Variants in TMED8 observed in about 807,000 individuals in gnomAD.
The protein encoded by TMED8 is transmembrane p24 trafficking protein family member 8.
TMED8 carries 15 observed loss-of-function variants against 32.7 expected under a neutral mutation model. That is an observed-to-expected ratio of 0.46 (90% CI 0.31 to 0.71). The LOEUF (loss-of-function observed/expected upper bound fraction) is 0.71. Among genes scored for constraint, TMED8 ranks in the 30% least tolerant of loss-of-function variants. The pLI, the probability that TMED8 is intolerant of heterozygous loss-of-function variation, is 0.06. For missense variants in TMED8, 390 were observed against 423.9 expected, an observed-to-expected ratio of 0.92 and a Z score of 0.70; for synonymous variants, 147 against 161.4, an observed-to-expected ratio of 0.91 and a Z score of 0.68.
intron 1 of TMED8, among the ~76,000 whole-genome samples, chr14:77,357,830 A>G (rs1231677319): frequency 6.6e-6 from 1 of 152,056 alleles, no homozygotes; most frequent in Non-Finnish European, 1.5e-5. Flanking sequence ...TTCATTAGAA[A>G]TTGTCTTTAA....
rs764454563 is a variant in TMED8, at chr14:77,339,519, C to A, written c.*2252G>T. On this transcript the variant is annotated 3_prime_UTR_variant, in exon 6 of 6. Coordinates refer to ENST00000216468, the MANE Select transcript of TMED8 (RefSeq NM_213601.3). ...GAGAAAGGCAGAAGTTAATAATAAACAGGAAAAATAAGCAAGGCTTTAGCT... is the reference window on the plus strand; with the variant it reads ...GAGAAAGGCAGAAGTTAATAATAAAAAGGAAAAATAAGCAAGGCTTTAGCT... 5.3e-5 allele frequency: 8 copies of A among 152,128 alleles called. No homozygotes were observed. The highest frequency in any genetic ancestry group is 7.4e-5 in the Non-Finnish European group (5 of 68,008). The allele number at this position is 152,128 out of a possible 1,614,324, so 9.4% of individuals were successfully genotyped here. A position where few individuals can be genotyped will look rare whatever the true frequency, so the allele number is the denominator to read the frequency against.
At chr14:77,369,922 G>A (rs1893638363) in intron 1 of TMED8, among the ~76,000 whole-genome samples, 1 of 152,030 alleles carries the variant, frequency 6.6e-6, no homozygotes, top group African/African-American at 2.4e-5. Flanking sequence ...CTGTAAGGGA[G>A]GCGGAGGCGG....
chr14:77,365,488 C>T (rs1490081194), intron 1 of TMED8, among the ~76,000 whole-genome samples: 1 of 152,100 alleles, frequency 6.6e-6, no homozygotes, highest in Non-Finnish European at 1.5e-5. Context: ...TCAAAAATGA[C>T]CAGGACTTGG....
Position 77,346,331 on chromosome 14 carries a change from C to T in TMED8, c.327+18G>A, listed in dbSNP as rs751515107. On this transcript the variant is annotated intron_variant, in intron 3 of 5. Transcript: ENST00000216468. The stretch of plus-strand genomic sequence containing the variant: ...TGGTGCCTCCTTTCATAAGAAAGAG[C>T]CAGAATCTGCCCCCTACCTCATTGA... 1.9e-6 allele frequency: 3 copies of T among 1,612,934 alleles called. No homozygotes were observed. The South Asian group carries it at 3.3e-5, about 18-fold the overall frequency.
chr14:77,341,829 T>C lies in TMED8; in HGVS notation c.920A>G (p.Asn307Ser), dbSNP rs950353143. ...CTTGTTGCGCAGCAGGGAGTAGGAG[T>C]TGTCGAACTTGAGCAGGTAGATGCC... The part of the protein sequence containing the change: ...GEGIYLLKFD[N>S]SYSLLRNKTL... Residue 307 changes from asparagine (N) to serine (S), a missense_variant, in exon 6 of 6, where the codon AAC (asparagine) becomes AGC (serine). Transcript: ENST00000216468. The C allele has an allele frequency of 5.1e-5, 83 of 1,613,074 alleles. No homozygotes were observed. The highest frequency in any genetic ancestry group is 6.8e-5 in the Non-Finnish European group (80 of 1,179,884).
chr14:77,341,761 C>A lies in TMED8; in HGVS notation c.*10G>T. On this transcript the variant is annotated 3_prime_UTR_variant, in exon 6 of 6. Coordinates refer to ENST00000216468, the MANE Select transcript of TMED8 (RefSeq NM_213601.3). ...CAGCAAATACAGCCTGCCCCTGTCC[C>A]AGCAGTCCTTCAGCTGGTGTAGTAG... 1 of 1,613,932 alleles carries A rather than the reference C, an allele frequency of 6.2e-7. No homozygotes were observed. The highest frequency in any genetic ancestry group is 1.1e-5 in the South Asian group (1 of 91,050).
chr14:77,360,406 CT>C (rs936317278), intron 1 of TMED8, among the ~76,000 whole-genome samples: 165 of 144,396 alleles, frequency 1.1e-3, no homozygotes, highest in Middle Eastern at 3.5e-3. Flanking sequence ...GTGTACTTGA[CT>C]TTTTTTTTTT....
intron 1 of TMED8, among the ~76,000 whole-genome samples, chr14:77,360,726 A>T (rs534363179): frequency 1.3e-5 from 2 of 152,274 alleles, no homozygotes; most frequent in South Asian, 4.1e-4. Context: ...TTACTGGGTC[A>T]TGTGGTAGTT....
At chr14:77,350,880 A>G (rs1052464176) in intron 2 of TMED8, among the ~76,000 whole-genome samples, 1 of 152,208 alleles carries the variant, frequency 6.6e-6, no homozygotes, top group East Asian at 1.9e-4. Context: ...AATATTCACA[A>G]TTAGCATTTT....
chr14:77,377,054 C>T lies in TMED8; in HGVS notation c.-1G>A, dbSNP rs1232498354. 2 of 1,363,560 alleles carry T rather than the reference C, an allele frequency of 1.5e-6. No individual in the cohort carries two copies. The highest frequency in any genetic ancestry group is 1.9e-6 in the Non-Finnish European group (2 of 1,063,928). 84.5% of individuals were successfully genotyped at this position (1,363,560 alleles called of 1,614,324 possible). On this transcript the variant is annotated 5_prime_UTR_variant, in exon 1 of 6. Coordinates refer to ENST00000216468, the MANE Select transcript of TMED8 (RefSeq NM_213601.3). ...CCTCAGCCGCCTGCAGGTCAGACAT[C>T]TGCAGCCCGCGCACGGAGCTCTCCG...
intron 1 of TMED8, among the ~76,000 whole-genome samples, chr14:77,372,437 A>T (rs142945839): frequency 6.6e-6 from 1 of 152,340 alleles, no homozygotes; most frequent in East Asian, 1.9e-4. Context: ...CTCAGTAAAC[A>T]GGCTGCAAAG....
rs1009491557 is a variant in TMED8 at position 77,336,105 on chromosome 14, A to AC, written c.*5665dup. On this transcript the variant is annotated 3_prime_UTR_variant, in exon 6 of 6. Coordinates refer to ENST00000216468, the MANE Select transcript of TMED8 (RefSeq NM_213601.3). ...AATATCATATACTATAATATTTCAA[A>AC]CCAAAACTTCAGAAGGGTTCATGAT... The AC allele has an allele frequency of 2.6e-5, 4 of 152,312 alleles. No individual in the cohort carries two copies. The highest frequency in any genetic ancestry group is 9.6e-5 in the African/African-American group (4 of 41,586). 9.4% of individuals were successfully genotyped at this position (152,312 alleles called of 1,614,324 possible).
At chr14:77,363,931 C>A (rs1255657334) in intron 1 of TMED8, among the ~76,000 whole-genome samples, 1 of 152,136 alleles carries the variant, frequency 6.6e-6, no homozygotes. Flanking sequence ...AACTGTGCTA[C>A]AATGCCTTGT....
chr14:77,343,947 A>G (rs1302340645), intron 3 of TMED8, 124 bp from the exon 4 acceptor site: 5 of 941,728 alleles, frequency 5.3e-6, no homozygotes, highest in Non-Finnish European at 7.5e-6. Flanking sequence ...AGCTTAATGT[A>G]CTAGTCAATG....
Position 77,339,153 on chromosome 14 carries a change from A to G in TMED8, c.*2618T>C, listed in dbSNP as rs1182392017. On this transcript the variant is annotated 3_prime_UTR_variant, in exon 6 of 6. Transcript: ENST00000216468. ...AATTACCTGTGCTTCAGTAAGTAGTATCTTGCCCCTAAAGTTCAATTATTT... is the reference window on the plus strand; with the variant it reads ...AATTACCTGTGCTTCAGTAAGTAGTGTCTTGCCCCTAAAGTTCAATTATTT... 2 of 152,240 alleles carry G rather than the reference A, an allele frequency of 1.3e-5. No homozygotes were observed. Among genetic ancestry groups the G allele is most frequent in the African/African-American group, 2.4e-5 (1 of 41,464 alleles). The allele number at this position is 152,240 out of a possible 1,614,324, so 9.4% of individuals were successfully genotyped here.
chr14:77,358,714 T>C (rs1893358119), intron 1 of TMED8, among the ~76,000 whole-genome samples: 1 of 152,242 alleles, frequency 6.6e-6, no homozygotes, highest in African/African-American at 2.4e-5. Context: ...TCTTCTACAA[T>C]GTAAATATAA....
At chr14:77,372,923 TA>T (rs1893708495) in intron 1 of TMED8, among the ~76,000 whole-genome samples, 7 of 25,810 alleles carry the variant, frequency 2.7e-4, no homozygotes, top group African/African-American at 1.5e-3. Flanking sequence ...TATATATATA[TA>T]TATATATATA....
chr14:77,372,931 T>TAC (rs1385439827), intron 1 of TMED8, among the ~76,000 whole-genome samples: 8 of 33,588 alleles, frequency 2.4e-4, no homozygotes, highest in African/African-American at 1.2e-3. Context: ...TATATATATA[T>TAC]ATATATATAT....
At chr14:77,342,327 A>T (rs1892922802) in intron 5 of TMED8, among the ~76,000 whole-genome samples, 1 of 152,184 alleles carries the variant, frequency 6.6e-6, no homozygotes, top group Non-Finnish European at 1.5e-5. Flanking sequence ...GAGAGGGAGA[A>T]AGAGATATTT....
Sources: allele counts gnomAD v4.1 joint callset (sites outside exome capture counted in the v4.1 genomes callset), GRCh38; gene constraint gnomAD v4.1.1; transcripts MANE v1.5; gene names NCBI Gene and HGNC (gene_info 2026-07-23, HGNC 2026-07-21).